Variants in DROSHA observed in about 807,000 individuals in gnomAD.
The protein encoded by DROSHA is ribonuclease 3.
In DROSHA, 56 loss-of-function variants were observed where a neutral mutation model predicts 181.9. That is an observed-to-expected ratio of 0.31 (90% confidence interval 0.25 to 0.38). DROSHA has a LOEUF of 0.38. DROSHA is among the 10% of genes least tolerant of loss of function. The pLI, the probability that DROSHA is intolerant of heterozygous loss-of-function variation, is 1.00. For synonymous variants in DROSHA, 524 were observed against 591.2 expected (o/e 0.89, Z 1.65); for missense variants, 1,218 against 1,743.5 (o/e 0.70, Z 5.37).
intron 13 of DROSHA, among the ~76,000 whole-genome samples, chr5:31,492,113 A>T (rs1406090977): frequency 6.6e-6 from 1 of 152,212 alleles, no homozygotes; most frequent in African/African-American, 2.4e-5. Flanking sequence ...GCTTTTCTAC[A>T]TTAGTGAACA....
Position 31,526,426 on chromosome 5 carries a change from A to G in DROSHA, c.507T>C (p.Pro169=), listed in dbSNP as rs749291437. ...VMPQQVNYQY[P]PGYSHHNFPP... is the part of the protein sequence containing the mutation. ...GGAAGTTGTGGTGAGAATAGCCCGG[A>G]GGGTACTGATAATTAACCTGCTGCG... The change falls in exon 5 of 36, where the codon CCT becomes CCC. Residue 169 remains proline (P), a synonymous_variant. Transcript: ENST00000344624. 2.5e-6 allele frequency: 4 copies of G among 1,599,152 alleles called. No individual in the cohort carries two copies. The highest frequency in any genetic ancestry group is 3.4e-5 in the Admixed American group (2 of 58,252).
intron 11 of DROSHA, 104 bp downstream of exon 11, chr5:31,504,451 G>T: frequency 1.6e-6 from 2 of 1,289,126 alleles, no homozygotes; most frequent in Non-Finnish European, 2.2e-6. Flanking sequence ...AATATGAAGA[G>T]AATTTTGATG....
chr5:31,517,632 T>C (rs56357505), intron 6 of DROSHA, among the ~76,000 whole-genome samples: 54,989 of 152,168 alleles, frequency 0.36, 12,295 homozygotes, highest in Non-Finnish European at 0.5. Context: ...CTATTTAACC[T>C]ATATCAAATT....
intron 16 of DROSHA, among the ~76,000 whole-genome samples, chr5:31,479,891 T>G (rs1750829663): frequency 6.6e-6 from 1 of 151,958 alleles, no homozygotes. Flanking sequence ...TATTAAGCTT[T>G]GTAGACACTT....
intron 30 of DROSHA, among the ~76,000 whole-genome samples, chr5:31,417,059 T>C (rs760384925): frequency 6.6e-6 from 1 of 152,168 alleles, no homozygotes; most frequent in African/African-American, 2.4e-5. Context: ...CATGAGAGGT[T>C]CCAGGCTGAG....
chr5:31,448,740 G>A, intron 22 of DROSHA, 133 bp from the exon 23 acceptor site: 3 of 659,872 alleles, frequency 4.5e-6, no homozygotes, highest in South Asian at 3.9e-5. Context: ...GTCTAAAAGT[G>A]TGATAAACAA....
chr5:31,485,168 A>G (rs1162011931), intron 14 of DROSHA, among the ~76,000 whole-genome samples: 2 of 152,226 alleles, frequency 1.3e-5, no homozygotes, highest in Non-Finnish European at 2.9e-5. Context: ...CTTAATGTCA[A>G]CTTAGCCCTT....
intron 11 of DROSHA, among the ~76,000 whole-genome samples, chr5:31,499,856 A>C (rs1209108831): frequency 6.6e-6 from 1 of 152,304 alleles, no homozygotes; most frequent in Admixed American, 6.5e-5. Context: ...ACAGCAGAGG[A>C]GGAGAAAAGA....
chr5:31,417,638 T>C (rs1302422050), intron 30 of DROSHA, among the ~76,000 whole-genome samples: 2 of 152,114 alleles, frequency 1.3e-5, no homozygotes, highest in African/African-American at 2.4e-5. Context: ...TAAAGATGTA[T>C]TCAAAGCCAT....
chr5:31,489,265 C>T (rs1321376229), intron 13 of DROSHA, among the ~76,000 whole-genome samples: 2 of 152,172 alleles, frequency 1.3e-5, no homozygotes, highest in Non-Finnish European at 2.9e-5. Context: ...AAACTTTCTT[C>T]CTTGCTATCA....
At chr5:31,454,638 T>C (rs1413204451) in intron 20 of DROSHA, among the ~76,000 whole-genome samples, 1 of 152,082 alleles carries the variant, frequency 6.6e-6, no homozygotes, top group African/African-American at 2.4e-5. Context: ...ACATCCTTGC[T>C]GATAATAAAA....
In DROSHA at chr5:31,419,780, G is replaced by A. The variant is rs987195645; in HGVS notation, c.3525+1492C>T. 9.2e-5 allele frequency among the ~76,000 whole-genome samples: 14 copies of A among 152,162 alleles called. No homozygotes were observed. In the South Asian group the frequency reaches 2.3e-3, roughly 25 times the overall value. ...TATTTAGTTGGTTTGGCCATTTCTC[G>A]GGCCAACCAGATACTCTGACACGTA... On this transcript the variant is annotated intron_variant, in intron 30 of 35. Transcript: ENST00000344624.
intron 31 of DROSHA, among the ~76,000 whole-genome samples, chr5:31,410,294 G>A (rs150265802): frequency 6.6e-6 from 1 of 152,276 alleles, no homozygotes; most frequent in African/African-American, 2.4e-5. Flanking sequence ...GACCATATCG[G>A]AAACTGCAAA....
At chr5:31,499,367 G>A (rs774061760) in intron 11 of DROSHA, among the ~76,000 whole-genome samples, 37 of 152,170 alleles carry the variant, frequency 2.4e-4, no homozygotes, top group Non-Finnish European at 4.6e-4. Flanking sequence ...GGTACTAGGA[G>A]TGACCCAATA....
At chr5:31,508,825 G>GTTT (rs778379990) in intron 9 of DROSHA, 50 bp from the exon 10 acceptor site, 8 of 1,262,330 alleles carry the variant, frequency 6.3e-6, no homozygotes, top group South Asian at 1.4e-5. Flanking sequence ...TTAACAAACT[G>GTTT]GTTTTTTTTT....
At position 31,411,152 on chromosome 5, in the gene DROSHA, C is replaced by A. The variant is rs1303480819; in HGVS notation, c.3526-265G>T. Among the ~76,000 whole-genome samples, 2 of 151,902 alleles carry A rather than the reference C, an allele frequency of 1.3e-5. No individual in the cohort carries two copies. The highest frequency in any genetic ancestry group is 3.9e-4 in the East Asian group (2 of 5,188). ...ATTTACTTCTTTAGGAGCATTGGGGCAGGGCTGTGGTGGGGGAGGGGGGAT... is the reference window on the plus strand; with the variant it reads ...ATTTACTTCTTTAGGAGCATTGGGGAAGGGCTGTGGTGGGGGAGGGGGGAT... On this transcript the variant is annotated intron_variant, in intron 30 of 35. Transcript: ENST00000344624. This position sits in a 1 kb window ranked among gnomAD's most constrained non-coding sequence, Gnocchi z 4.2.
At position 31,449,273 on chromosome 5, in the gene DROSHA, A is replaced by C. The variant is rs1220027328; in HGVS notation, c.2821+8T>G. Reference sequence around the variant, plus strand: ...GGAGATTCACATCTTAAAATCATCCAGACATACCTTTCTTCCGCATGTGCA... The same window carrying C: ...GGAGATTCACATCTTAAAATCATCCCGACATACCTTTCTTCCGCATGTGCA... On this transcript the variant is annotated splice_region_variant and intron_variant, in intron 22 of 35. Transcript: ENST00000344624. The C allele has an allele frequency of 6.2e-7, 1 of 1,613,712 alleles. No homozygotes were observed. The highest frequency in any genetic ancestry group is 8.5e-7 in the Non-Finnish European group (1 of 1,179,752).
chr5:31,498,189 C>A (rs1037333034), intron 11 of DROSHA, among the ~76,000 whole-genome samples: 1 of 152,128 alleles, frequency 6.6e-6, no homozygotes, highest in African/African-American at 2.4e-5. Context: ...ACGGACAACA[C>A]TGCTGACATG....
At chr5:31,484,046 C>A (rs187765420) in intron 15 of DROSHA, among the ~76,000 whole-genome samples, 1 of 152,218 alleles carries the variant, frequency 6.6e-6, no homozygotes, top group African/African-American at 2.4e-5. Flanking sequence ...AAGCCATTCA[C>A]CAATAAATAA....
Sources: allele counts gnomAD v4.1 joint callset (sites outside exome capture counted in the v4.1 genomes callset), GRCh38; gene constraint gnomAD v4.1.1; non-coding constraint Gnocchi (gnomAD v3.1); transcripts MANE v1.5; gene names NCBI Gene and HGNC (gene_info 2026-07-23, HGNC 2026-07-21).